The following LANCL1 variants were observed in gnomAD, a reference collection of about 807,000 sequenced individuals.
LANCL1 encodes the protein LanC like glutathione S-transferase 1.
In LANCL1, 50 loss-of-function variants were observed where a neutral mutation model predicts 50.6. That is an observed-to-expected ratio of 0.99 (90% CI 0.79 to 1.25). LANCL1 has a LOEUF of 1.25. Among genes scored for constraint, LANCL1 ranks in the 50% most tolerant of loss-of-function variants. LANCL1 has a pLI of 0.00. For synonymous variants in LANCL1, 188 were observed against 178.6 expected (o/e 1.05, Z -0.42); for missense variants, 532 against 480.7 (o/e 1.11, Z -1.00).
intron 4 of LANCL1, among the ~76,000 whole-genome samples, chr2:210,444,094 C>A (rs1693233892): frequency 6.6e-6 from 1 of 152,166 alleles, no homozygotes; most frequent in African/African-American, 2.4e-5. Flanking sequence ...GAATTGGGCA[C>A]CCACTTGTGC....
intron 4 of LANCL1, among the ~76,000 whole-genome samples, chr2:210,443,071 C>G (rs1020497079): frequency 6.6e-6 from 1 of 152,136 alleles, no homozygotes; most frequent in East Asian, 1.9e-4. Context: ...TCACCTGGCC[C>G]CAGATGCATG....
chr2:210,475,432 A>G (rs919061789), intron 2 of LANCL1, among the ~76,000 whole-genome samples: 1 of 152,162 alleles, frequency 6.6e-6, no homozygotes, highest in Non-Finnish European at 1.5e-5. Flanking sequence ...CCTAGGCTCC[A>G]GCAATTCTCC....
intron 5 of LANCL1, among the ~76,000 whole-genome samples, chr2:210,441,012 G>C (rs760738291): frequency 6.6e-6 from 1 of 152,110 alleles, no homozygotes; most frequent in Admixed American, 6.6e-5. Context: ...ACTCCTCTAG[G>C]CACCACCAAA....
chr2:210,459,714 T>TCTTAGGGTAAATGTTGATAA (rs1176000811), intron 3 of LANCL1, among the ~76,000 whole-genome samples: 1 of 151,346 alleles, frequency 6.6e-6, no homozygotes, highest in Non-Finnish European at 1.5e-5. Context: ...AATTTCTTGG[T>TCTTAGGGTAAATGTTGATAA]CTTGAAATGT....
chr2:210,440,495 G>T, intron 6 of LANCL1, 103 bp downstream of exon 6: 1 of 1,131,000 alleles, frequency 8.8e-7, no homozygotes, highest in Non-Finnish European at 1.2e-6. Flanking sequence ...TAATGCAGTG[G>T]TTGACAGAAT....
intron 4 of LANCL1, among the ~76,000 whole-genome samples, chr2:210,452,289 T>C (rs1693533701): frequency 1.3e-5 from 2 of 151,644 alleles, no homozygotes; most frequent in African/African-American, 4.8e-5. Flanking sequence ...AGGGAGGTTA[T>C]ATATTTCTGG....
intron 4 of LANCL1, 22 bp from the exon 5 acceptor site, chr2:210,441,465 C>A: frequency 6.3e-7 from 1 of 1,584,404 alleles, no homozygotes; most frequent in South Asian, 1.2e-5. Flanking sequence ...AATACATGCC[C>A]CAAATAATTT....
rs374085522 is a variant in LANCL1 at position 210,435,448 on chromosome 2, C to G, written c.1062G>C (p.Trp354Cys). Residue 354 changes from tryptophan to cysteine, a missense_variant, in exon 9 of 10, where the codon TGG becomes TGC. Trp to Cys is a radical substitution (Grantham distance 215). Transcript: ENST00000450366. ...YLYRACKFAE[W>C]CLEYGEHGCR... is the part of the protein sequence containing the mutation. ...ATCCATGTTCTCCATACTCTAAGCA[C>G]CATTCAGCAAACTGAAAATGAGACC... 1.9e-6 allele frequency: 3 copies of G among 1,613,200 alleles called. No homozygotes were observed. The Admixed American group carries it at 5.0e-5, about 27-fold the overall frequency.
At chr2:210,450,009 A>G (rs1693464440) in intron 4 of LANCL1, among the ~76,000 whole-genome samples, 1 of 152,204 alleles carries the variant, frequency 6.6e-6, no homozygotes, top group Non-Finnish European at 1.5e-5. Flanking sequence ...TTTCATATGG[A>G]ACCAAAAAAG....
rs1276822542 is a variant in LANCL1 at position 210,436,410 on chromosome 2, A to G, written c.874-18T>C. ...CTGAATACCTGCAGAGGCAAAGGAC[A>G]CATTTTATTATACGGGATATAAAAG... On this transcript the variant is annotated intron_variant, in intron 7 of 9. Coordinates refer to ENST00000450366, the MANE Select transcript of LANCL1 (RefSeq NM_006055.3). 4.3e-6 allele frequency: 7 copies of G among 1,610,846 alleles called. No individual in the cohort carries two copies. Among genetic ancestry groups the G allele is most frequent in the Non-Finnish European group, 5.9e-6 (7 of 1,177,430 alleles).
chr2:210,451,207 T>A (rs1421897603), intron 4 of LANCL1, among the ~76,000 whole-genome samples: 1 of 152,106 alleles, frequency 6.6e-6, no homozygotes, highest in Non-Finnish European at 1.5e-5. Context: ...AAAACCATCA[T>A]TCTCAGCAAA....
chr2:210,434,958 T>C (rs1367414509), intron 9 of LANCL1, among the ~76,000 whole-genome samples: 5 of 152,108 alleles, frequency 3.3e-5, no homozygotes, highest in Non-Finnish European at 7.4e-5. Context: ...AGTTCAACAT[T>C]AGAAGAGATC....
chr2:210,448,384 C>T (rs1693412197), intron 4 of LANCL1, among the ~76,000 whole-genome samples: 1 of 151,972 alleles, frequency 6.6e-6, no homozygotes, highest in South Asian at 2.1e-4. Flanking sequence ...CACTAAATGC[C>T]CACAAGAGAA....
chr2:210,471,640 T>C, intron 3 of LANCL1: 1 of 503,614 alleles, frequency 2.0e-6, no homozygotes, highest in Non-Finnish European at 3.9e-6. Context: ...TTCCCAATTC[T>C]TCCCACTGAA....
intron 3 of LANCL1, among the ~76,000 whole-genome samples, chr2:210,462,181 G>A (rs923612679): frequency 7.9e-5 from 12 of 152,138 alleles, no homozygotes; most frequent in Admixed American, 1.3e-4. Context: ...GCTGACCAGT[G>A]GATTTGATCT....
intron 4 of LANCL1, among the ~76,000 whole-genome samples, chr2:210,454,280 T>G (rs1693600487): frequency 1.3e-5 from 2 of 151,476 alleles, no homozygotes; most frequent in Non-Finnish European, 2.9e-5. Flanking sequence ...AATAGGGGTA[T>G]AAATCATTCC....
intron 3 of LANCL1, chr2:210,460,592 C>T (rs1445293852): frequency 6.6e-6 from 1 of 152,152 alleles, no homozygotes; most frequent in African/African-American, 2.4e-5. Flanking sequence ...CAATTTTGTG[C>T]TGAATGTTGA....
At chr2:210,453,819 A>G (rs1333713574) in intron 4 of LANCL1, among the ~76,000 whole-genome samples, 1 of 152,172 alleles carries the variant, frequency 6.6e-6, no homozygotes, top group Non-Finnish European at 1.5e-5. Flanking sequence ...GTCAGCTACT[A>G]TGGAAGGAAC....
Position 210,434,144 on chromosome 2 carries a change from A to G in LANCL1, c.*343T>C, listed in dbSNP as rs1028057496. 1.2e-5 allele frequency: 2 copies of G among 173,908 alleles called. No homozygotes were observed. The highest frequency in any genetic ancestry group is 4.7e-5 in the African/African-American group (2 of 42,346). 10.8% of individuals were successfully genotyped at this position (173,908 alleles called of 1,614,324 possible). On this transcript the variant is annotated 3_prime_UTR_variant, in exon 10 of 10. Coordinates refer to ENST00000450366, the MANE Select transcript of LANCL1 (RefSeq NM_006055.3). ...TCTTTATCTGTATTGAGTTTCTTTT[A>G]AACATTTTTAGAACAGTAACAGATG...
Sources: allele counts gnomAD v4.1 joint callset (sites outside exome capture counted in the v4.1 genomes callset), GRCh38; gene constraint gnomAD v4.1.1; transcripts MANE v1.5; gene names NCBI Gene and HGNC (gene_info 2026-07-23, HGNC 2026-07-21).